ATXN1: variants seen among roughly 807,000 people sequenced by gnomAD.
ATXN1 encodes the protein ataxin-1.
A neutral mutation model predicts 56.4 loss-of-function variants in ATXN1; 8 were observed. The ratio of observed to expected loss-of-function variants is 0.14; its 90% confidence interval spans 0.08 to 0.26. The LOEUF (loss-of-function observed/expected upper bound fraction) is 0.26. Among genes scored for constraint, ATXN1 ranks in the 10% least tolerant of loss-of-function variants. The pLI is 1.00. For missense variants in ATXN1, 987 were observed against 1,106.5 expected (o/e 0.89, Z 1.53); for synonymous variants, 514 against 494.6 (o/e 1.04, Z -0.52).
intron 6 of ATXN1, among the ~76,000 whole-genome samples, chr6:16,407,442 T>C (rs1471099637): frequency 6.6e-6 from 1 of 152,206 alleles, no homozygotes; most frequent in East Asian, 1.9e-4. Context: ...GACCTTCTCA[T>C]AGTAAGGCTG....
In ATXN1 at chr6:16,328,587, C is replaced by CTAGG; in HGVS notation, c.-160-121_-160-118dup. On this transcript the variant is annotated intron_variant, in intron 6 of 7. Transcript: ENST00000436367. This position sits in a 1 kb window ranked among gnomAD's most constrained non-coding sequence, Gnocchi z 6.2. The stretch of plus-strand genomic sequence containing the variant: ...AAGAACATCTTTGGCAAGATTAAGA[C>CTAGG]TAGGCCCTGGACTCGGTGTGAACTC... The CTAGG allele has an allele frequency of 2.6e-6, 1 of 379,692 alleles. No individual in the cohort carries two copies. The highest frequency in any genetic ancestry group is 4.4e-6 in the Non-Finnish European group (1 of 227,516). 23.5% of individuals were successfully genotyped at this position (379,692 alleles called of 1,614,324 possible).
intron 4 of ATXN1, among the ~76,000 whole-genome samples, chr6:16,572,599 G>A (rs953052523): frequency 9.2e-5 from 14 of 152,224 alleles, no homozygotes; most frequent in African/African-American, 3.1e-4. Context: ...AATAAGTGAT[G>A]AAAACAAGGG....
intron 2 of ATXN1, among the ~76,000 whole-genome samples, chr6:16,726,837 G>A (rs1047587582): frequency 3.9e-5 from 6 of 152,016 alleles, no homozygotes; most frequent in Admixed American, 1.3e-4. Flanking sequence ...CAGCCTGGGC[G>A]ACAAGAGCGA....
At chr6:16,596,002 G>GT (rs148381084) in intron 3 of ATXN1, among the ~76,000 whole-genome samples, 3,092 of 152,084 alleles carry the variant, frequency 0.02, 36 homozygotes, top group Middle Eastern at 0.037. Flanking sequence ...CCGTTATTTT[G>GT]TTTTTTTATT....
Position 16,328,370 on chromosome 6 carries a change from C to T in ATXN1, c.-60G>A, listed in dbSNP as rs1760899675. ...CTGTCTGGATGGCTCTGATTTTAGT[C>T]TGATAAACGGAAAGTCACATTTGAT... On this transcript the variant is annotated 5_prime_UTR_variant, in exon 7 of 8. Coordinates refer to ENST00000436367, the MANE Select transcript of ATXN1 (RefSeq NM_001128164.2). This position sits in a 1 kb window ranked among gnomAD's most constrained non-coding sequence, Gnocchi z 6.2. 2.8e-6 allele frequency: 4 copies of T among 1,450,838 alleles called. No individual in the cohort carries two copies. In the Admixed American group the frequency reaches 9.9e-5, roughly 36 times the overall value. 89.9% of individuals were successfully genotyped at this position (1,450,838 alleles called of 1,614,324 possible).
rs537322659 is a variant in ATXN1 at position 16,338,548 on chromosome 6, C to T, written c.-160-10078G>A. Among the ~76,000 whole-genome samples, 5 of 152,274 alleles carry T rather than the reference C, an allele frequency of 3.3e-5. No individual in the cohort carries two copies. The South Asian group carries it at 6.2e-4, about 19-fold the overall frequency. On this transcript the variant is annotated intron_variant, in intron 6 of 7. Transcript: ENST00000436367. The stretch of plus-strand genomic sequence containing the variant: ...ATACATGTGCCCAAGTTTAATGAGG[C>T]AAAAATTTCATTTCAACAATGTGTA...
chr6:16,466,317 CAAAAAA>C (rs200261208), intron 6 of ATXN1, among the ~76,000 whole-genome samples: 4 of 79,872 alleles, frequency 5.0e-5, no homozygotes, highest in Admixed American at 1.5e-4. Flanking sequence ...GACCCCATCT[CAAAAAA>C]AAAAAAAAAA....
chr6:16,629,360 C>G (rs1351741011), intron 3 of ATXN1, among the ~76,000 whole-genome samples: 2 of 152,112 alleles, frequency 1.3e-5, no homozygotes, highest in Non-Finnish European at 2.9e-5. Flanking sequence ...CAGAGTCATG[C>G]TCTGTCACCC....
intron 6 of ATXN1, among the ~76,000 whole-genome samples, chr6:16,337,686 T>C (rs375190045): frequency 6.6e-6 from 1 of 152,236 alleles, no homozygotes; most frequent in African/African-American, 2.4e-5. Flanking sequence ...CCAGGTTAGC[T>C]ACCCGGGGGC....
At chr6:16,526,869 T>C (rs758885556) in intron 4 of ATXN1, among the ~76,000 whole-genome samples, 1 of 151,776 alleles carries the variant, frequency 6.6e-6, no homozygotes. Context: ...CTAGATCAAG[T>C]ATTAAATCGC....
chr6:16,695,830 C>T (rs906189954), intron 2 of ATXN1, among the ~76,000 whole-genome samples: 1 of 151,996 alleles, frequency 6.6e-6, no homozygotes, highest in Non-Finnish European at 1.5e-5. Context: ...TAAGTGTGGT[C>T]GCACAAGTCT....
chr6:16,484,945 A>ATGTG (rs1479346749), intron 6 of ATXN1, among the ~76,000 whole-genome samples: 5 of 118,286 alleles, frequency 4.2e-5, no homozygotes, highest in Non-Finnish European at 1.8e-5. Context: ...ACCTAAATAT[A>ATGTG]TATGTGTGTG....
intron 2 of ATXN1, among the ~76,000 whole-genome samples, chr6:16,716,322 A>T (rs997238684): frequency 1.3e-5 from 2 of 152,230 alleles, no homozygotes; most frequent in Non-Finnish European, 2.9e-5. Flanking sequence ...TGGGGAAGTC[A>T]GTTTGGAAAA....
chr6:16,343,783 G>A (rs1761312322), intron 6 of ATXN1, among the ~76,000 whole-genome samples: 2 of 152,136 alleles, frequency 1.3e-5, no homozygotes, highest in Non-Finnish European at 2.9e-5. Context: ...ACACCTCTGT[G>A]GCCATTACTC....
At chr6:16,441,978 T>C (rs766442782) in intron 6 of ATXN1, among the ~76,000 whole-genome samples, 7 of 152,150 alleles carry the variant, frequency 4.6e-5, no homozygotes, top group African/African-American at 1.7e-4. Context: ...GAAGCACAAA[T>C]TCTAGAAGTA....
chr6:16,535,801 C>T (rs1433522829), intron 4 of ATXN1, among the ~76,000 whole-genome samples: 2 of 152,110 alleles, frequency 1.3e-5, no homozygotes, highest in Non-Finnish European at 2.9e-5. Flanking sequence ...GACACAACCT[C>T]GGCTGAGGTC....
intron 2 of ATXN1, among the ~76,000 whole-genome samples, chr6:16,715,934 C>T (rs148082548): frequency 7.2e-4 from 110 of 152,284 alleles, no homozygotes; most frequent in African/African-American, 2.6e-3. Flanking sequence ...ATACCATGCA[C>T]ACTCAAGCCT....
chr6:16,461,696 C>T (rs1270047590), intron 6 of ATXN1, among the ~76,000 whole-genome samples: 3 of 152,200 alleles, frequency 2.0e-5, no homozygotes, highest in Non-Finnish European at 4.4e-5. Context: ...ATTTGGGCTT[C>T]CCCAAAGCTT....
At chr6:16,691,086 A>G (rs1331996541) in intron 2 of ATXN1, among the ~76,000 whole-genome samples, 2 of 152,268 alleles carry the variant, frequency 1.3e-5, no homozygotes, top group African/African-American at 4.8e-5. Flanking sequence ...TCGAAATGAC[A>G]TGATGCAACC....
Sources: gnomAD v4.1 joint callset for allele counts (sites outside exome capture counted in the v4.1 genomes callset) on GRCh38, gnomAD v4.1.1 for gene constraint, Gnocchi (gnomAD v3.1) non-coding constraint, MANE v1.5 for transcripts, NCBI Gene and HGNC (gene_info 2026-07-23, HGNC 2026-07-21) for gene names.